PCDH15: variants seen among roughly 807,000 people sequenced by gnomAD.
PCDH15 encodes protocadherin-15.
Under a neutral mutation model 178.5 loss-of-function variants are expected in PCDH15, and 129 were observed. The observed-to-expected ratio is 0.72, with a 90% CI of 0.63 to 0.84. The LOEUF is 0.84. Ranked by LOEUF, PCDH15 falls within the 40% of genes least tolerant of loss-of-function variation. The pLI is 0.00. For missense variants in PCDH15, 2,230 were observed against 2,099.9 expected, an observed-to-expected ratio of 1.06 and a Z score of -1.21; for synonymous variants, 800 against 732.0, an observed-to-expected ratio of 1.09 and a Z score of -1.50.
At chr10:55,385,740 T>C (rs546773962) in intron 2 of PCDH15, among the ~76,000 whole-genome samples, 9 of 144,730 alleles carry the variant, frequency 6.2e-5, no homozygotes, top group Non-Finnish European at 1.2e-4. Flanking sequence ...TACACGTATA[T>C]AGATATGCAT....
intron 2 of PCDH15, among the ~76,000 whole-genome samples, chr10:55,377,922 C>A (rs188557836): frequency 1.8e-3 from 268 of 152,124 alleles, no homozygotes; most frequent in Non-Finnish European, 3.3e-3. Flanking sequence ...ATAGATGAAG[C>A]TGGAAACCAT....
intron 2 of PCDH15, among the ~76,000 whole-genome samples, chr10:55,351,998 A>G (rs1436510649): frequency 1.3e-5 from 2 of 152,136 alleles, no homozygotes; most frequent in African/African-American, 4.8e-5. Flanking sequence ...GCATGTATCA[A>G]TTATGTGCAT....
intron 1 of PCDH15, among the ~76,000 whole-genome samples, chr10:55,243,133 A>C (rs1031897550): frequency 1.3e-5 from 2 of 152,174 alleles, no homozygotes; most frequent in African/African-American, 4.8e-5. Context: ...CTTTGTCTGA[A>C]AAGGAAGTTT....
At chr10:54,288,780 T>A (rs954484867) in intron 8 of PCDH15, among the ~76,000 whole-genome samples, 2 of 152,212 alleles carry the variant, frequency 1.3e-5, no homozygotes, top group Admixed American at 6.5e-5. Flanking sequence ...CAGTCTGAGA[T>A]TGAACTGCGG....
At chr10:55,091,438 A>C (rs1421900317) in intron 2 of PCDH15, among the ~76,000 whole-genome samples, 1 of 149,876 alleles carries the variant, frequency 6.7e-6, no homozygotes, top group Non-Finnish European at 1.5e-5. Context: ...CTTTTAAAAA[A>C]TGCTAATGCT....
chr10:54,370,710 A>T (rs1947528789), intron 4 of PCDH15, among the ~76,000 whole-genome samples: 1 of 151,918 alleles, frequency 6.6e-6, no homozygotes, highest in Non-Finnish European at 1.5e-5. Context: ...CACCTAAGGG[A>T]TTACATACAT....
chr10:54,490,530 T>A (rs909433211), intron 3 of PCDH15, among the ~76,000 whole-genome samples: 19 of 151,920 alleles, frequency 1.3e-4, no homozygotes, highest in African/African-American at 3.4e-4. Flanking sequence ...AATAAAAAAA[T>A]TTTTAAAAAA....
At position 54,002,153 on chromosome 10, in the gene PCDH15, C is replaced by T. The variant is rs145709888; in HGVS notation, c.2752-6388G>A. ...GTGTATATATATATACACATACACA[C>T]ACACATATATATTTTCAACATTGGA... On this transcript the variant is annotated intron_variant, in intron 20 of 37. Coordinates refer to ENST00000644397, the MANE Select transcript of PCDH15 (RefSeq NM_001384140.1). Among the ~76,000 whole-genome samples the T allele has an allele frequency of 3.9e-3, 586 of 151,298 alleles. 5 individuals carry two copies. The highest frequency in any genetic ancestry group is 0.013 in the African/African-American group (552 of 41,240).
intron 3 of PCDH15, among the ~76,000 whole-genome samples, chr10:54,496,439 C>T (rs989105967): frequency 6.6e-6 from 1 of 152,116 alleles, no homozygotes; most frequent in African/African-American, 2.4e-5. Flanking sequence ...AAACAAGTCA[C>T]ACATTGAAGA....
intron 8 of PCDH15, among the ~76,000 whole-genome samples, chr10:54,272,689 G>T (rs1345170966): frequency 2.0e-5 from 3 of 152,056 alleles, no homozygotes; most frequent in African/African-American, 4.8e-5. Flanking sequence ...TTCATGAGAT[G>T]CTTTATCACG....
chr10:53,967,895 G>A (rs950387012), intron 21 of PCDH15, among the ~76,000 whole-genome samples: 7 of 152,120 alleles, frequency 4.6e-5, no homozygotes, highest in African/African-American at 1.7e-4. Context: ...AATATTTGGA[G>A]GAGGTTCCAA....
At chr10:54,560,726 C>T (rs921595197) in intron 2 of PCDH15, among the ~76,000 whole-genome samples, 1 of 151,884 alleles carries the variant, frequency 6.6e-6, no homozygotes, top group East Asian at 1.9e-4. Flanking sequence ...ATAAAACTTG[C>T]TCTAATTTAT....
At chr10:54,994,450 T>C (rs917408457) in intron 2 of PCDH15, among the ~76,000 whole-genome samples, 5 of 152,184 alleles carry the variant, frequency 3.3e-5, no homozygotes, top group African/African-American at 1.2e-4. Flanking sequence ...AAAAATACTA[T>C]ATCTAGAAAA....
chr10:54,144,703 C>G (rs2043739762), intron 14 of PCDH15, among the ~76,000 whole-genome samples: 1 of 152,138 alleles, frequency 6.6e-6, no homozygotes. Context: ...GCAGCAGGAC[C>G]TAGACCGAAA....
chr10:54,790,609 C>G (rs1205472014), intron 1 of PCDH15, among the ~76,000 whole-genome samples: 1 of 151,782 alleles, frequency 6.6e-6, no homozygotes, highest in Non-Finnish European at 1.5e-5. Flanking sequence ...CCATGTGTTG[C>G]AGATCATTCC....
intron 18 of PCDH15, among the ~76,000 whole-genome samples, chr10:54,046,813 C>A (rs1554937215): frequency 6.6e-6 from 1 of 151,578 alleles, no homozygotes; most frequent in Admixed American, 6.6e-5. Context: ...CATTTTTTTT[C>A]TTAAAGTTTA....
At chr10:55,361,198 T>C (rs1217946643) in intron 2 of PCDH15, among the ~76,000 whole-genome samples, 1 of 152,048 alleles carries the variant, frequency 6.6e-6, no homozygotes, top group African/African-American at 2.4e-5. Context: ...GTGGTGGTGG[T>C]AGAATAAAAT....
At chr10:53,839,190 G>A (rs957612120) in intron 29 of PCDH15, among the ~76,000 whole-genome samples, 54 of 120,160 alleles carry the variant, frequency 4.5e-4, no homozygotes, top group African/African-American at 1.8e-3. Flanking sequence ...GGCACAGAGT[G>A]AGTCTCCGTC....
intron 28 of PCDH15, among the ~76,000 whole-genome samples, chr10:53,846,147 G>C (rs11003879): frequency 0.23 from 35,485 of 151,640 alleles, 5,569 homozygotes; most frequent in East Asian, 0.75. Flanking sequence ...GTACAATCAA[G>C]TATGAAGCAA....
Sources: gnomAD v4.1 joint callset for allele counts (sites outside exome capture counted in the v4.1 genomes callset) on GRCh38, gnomAD v4.1.1 for gene constraint, MANE v1.5 for transcripts, NCBI Gene and HGNC (gene_info 2026-07-23, HGNC 2026-07-21) for gene names.